Variants in CDK14 observed in about 807,000 individuals in gnomAD.
The protein encoded by CDK14 is cyclin-dependent kinase 14.
In CDK14, 34 loss-of-function variants were observed where a neutral mutation model predicts 60.7. The ratio of observed to expected loss-of-function variants is 0.56; its 90% CI spans 0.43 to 0.75. The LOEUF is 0.75. CDK14 is among the 30% of genes least tolerant of loss of function. The probability of loss-of-function intolerance (pLI) is 0.00; values close to 1 mark genes in which losing one functional copy is unlikely to be tolerated. For missense variants in CDK14, 482 were observed against 564.1 expected (o/e 0.85, Z 1.47); for synonymous variants, 197 against 203.7 (o/e 0.97, Z 0.28).
At chr7:90,977,723 A>G (rs1399341475) in intron 9 of CDK14, among the ~76,000 whole-genome samples, 1 of 151,956 alleles carries the variant, frequency 6.6e-6, no homozygotes, top group African/African-American at 2.4e-5. Context: ...TCCATGCTGT[A>G]CTCTTTGGAA....
intron 9 of CDK14, among the ~76,000 whole-genome samples, chr7:90,971,753 TA>T (rs1451496850): frequency 6.6e-6 from 1 of 151,910 alleles, no homozygotes; most frequent in Non-Finnish European, 1.5e-5. Context: ...GCCATTTCAT[TA>T]AAAAATAATA....
At chr7:91,068,777 C>G (rs541987517) in intron 11 of CDK14, among the ~76,000 whole-genome samples, 10 of 132,160 alleles carry the variant, frequency 7.6e-5, no homozygotes, top group Non-Finnish European at 1.5e-4. Context: ...AGTGTACTTT[C>G]CAAATAGAAG....
At chr7:90,803,531 T>C (rs750774014) in intron 5 of CDK14, among the ~76,000 whole-genome samples, 3 of 152,000 alleles carry the variant, frequency 2.0e-5, no homozygotes, top group Non-Finnish European at 4.4e-5. Context: ...GGATTCTGGA[T>C]TGGGTAATTA....
At chr7:90,621,654 T>TGCC (rs1369758527) in intron 2 of CDK14, among the ~76,000 whole-genome samples, 12,499 of 144,448 alleles carry the variant, frequency 0.087, 560 homozygotes, top group East Asian at 0.2. Flanking sequence ...CCTTCCTTCC[T>TGCC]TCCTTCCTTC....
intron 5 of CDK14, among the ~76,000 whole-genome samples, chr7:90,805,811 T>A (rs1255880731): frequency 6.6e-6 from 1 of 152,136 alleles, no homozygotes; most frequent in Admixed American, 6.5e-5. Context: ...TTACATTATA[T>A]GAAAATGTAA....
intron 4 of CDK14, among the ~76,000 whole-genome samples, chr7:90,782,007 C>T (rs1368361456): frequency 6.6e-6 from 1 of 152,140 alleles, no homozygotes; most frequent in Non-Finnish European, 1.5e-5. Flanking sequence ...TTACCTTGGG[C>T]AGTATGGCCA....
At chr7:90,635,754 TC>T (rs1258219418) in intron 2 of CDK14, among the ~76,000 whole-genome samples, 2 of 152,176 alleles carry the variant, frequency 1.3e-5, no homozygotes, top group Non-Finnish European at 2.9e-5. Context: ...TATTGATTCT[TC>T]CTATCCATGA....
intron 14 of CDK14, among the ~76,000 whole-genome samples, chr7:91,193,173 A>G (rs1382921523): frequency 6.6e-6 from 1 of 152,226 alleles, no homozygotes; most frequent in East Asian, 1.9e-4. Context: ...AATTATGGCT[A>G]GATGGTGGAA....
At chr7:91,112,853 GGAGAGAGAGA>G (rs56973703) in intron 13 of CDK14, among the ~76,000 whole-genome samples, 172 bp downstream of exon 13, 1 of 148,566 alleles carries the variant, frequency 6.7e-6, no homozygotes, top group South Asian at 2.1e-4. Context: ...GTGTATGTGT[GGAGAGAGAGA>G]GAGAGAGAGA....
At chr7:91,109,266 A>C (rs980686542) in intron 12 of CDK14, among the ~76,000 whole-genome samples, 19 of 152,140 alleles carry the variant, frequency 1.2e-4, no homozygotes, top group Admixed American at 1.1e-3. Context: ...CAATCAGTGA[A>C]ATGGTAATGT....
At chr7:91,023,524 T>C (rs1463176402) in intron 10 of CDK14, among the ~76,000 whole-genome samples, 1 of 152,212 alleles carries the variant, frequency 6.6e-6, no homozygotes, top group African/African-American at 2.4e-5. Context: ...GCTCAGACAC[T>C]AGACTTCTCA....
intron 12 of CDK14, among the ~76,000 whole-genome samples, chr7:91,093,184 T>C (rs1382836666): frequency 6.6e-6 from 1 of 152,154 alleles, no homozygotes; most frequent in African/African-American, 2.4e-5. Flanking sequence ...TGTCACTCTA[T>C]TTGGAAGTAT....
chr7:91,181,573 CA>C lies in CDK14; in HGVS notation c.*29-25591del, dbSNP rs1255654126. On this transcript the variant is annotated intron_variant, in intron 14 of 14. Coordinates refer to ENST00000380050, the MANE Select transcript of CDK14 (RefSeq NM_001287135.2). Reference sequence around the variant, plus strand: ...GTTTATTAGCTGGAACATTTCTAAACAGAAAATCTTCCCCTTATTATGTTAT... The same window carrying C: ...GTTTATTAGCTGGAACATTTCTAAACGAAAATCTTCCCCTTATTATGTTAT... 2.6e-4 allele frequency among the ~76,000 whole-genome samples: 39 copies of C among 152,134 alleles called. 1 individual carries two copies.
chr7:90,997,467 T>G (rs941504909), intron 10 of CDK14, among the ~76,000 whole-genome samples: 4 of 152,242 alleles, frequency 2.6e-5, no homozygotes, highest in Non-Finnish European at 5.9e-5. Context: ...TAAAAATAGA[T>G]GCAAATTCAT....
At chr7:90,820,513 T>C (rs1161583472) in intron 5 of CDK14, among the ~76,000 whole-genome samples, 1 of 152,218 alleles carries the variant, frequency 6.6e-6, no homozygotes, top group African/African-American at 2.4e-5. Flanking sequence ...CTGTCTCTCC[T>C]GCCACCATGT....
chr7:90,649,764 T>A (rs1262932460), intron 2 of CDK14, among the ~76,000 whole-genome samples: 1 of 152,042 alleles, frequency 6.6e-6, no homozygotes, highest in African/African-American at 2.4e-5. Context: ...TCCAGCTTCA[T>A]CCATGTCCCT....
rs375154749 is a variant in CDK14, at chr7:91,171,235, G to A, written c.*29-35930G>A. On this transcript the variant is annotated intron_variant, in intron 14 of 14. Transcript: ENST00000380050. ...CGTGGTGGCGGGCGCCTGTAATCCC[G>A]GCTACTCAGGAGGCTGAGGCAGGAG... Among the ~76,000 whole-genome samples, 24 of 151,822 alleles carry A rather than the reference G, an allele frequency of 1.6e-4. No individual in the cohort carries two copies. In the East Asian group the frequency reaches 4.5e-3, roughly 29 times the overall value.
intron 4 of CDK14, among the ~76,000 whole-genome samples, chr7:90,766,046 A>C (rs958644094): frequency 6.6e-6 from 1 of 152,230 alleles, no homozygotes; most frequent in Non-Finnish European, 1.5e-5. Flanking sequence ...TAGACGTATA[A>C]GAAAATTATC....
intron 9 of CDK14, among the ~76,000 whole-genome samples, chr7:90,964,235 C>T (rs928583043): frequency 5.3e-5 from 8 of 152,096 alleles, no homozygotes; most frequent in East Asian, 1.9e-4. Flanking sequence ...ACCCTTCCTT[C>T]GTGGCCTTCC....
Sources: allele counts gnomAD v4.1 joint callset (sites outside exome capture counted in the v4.1 genomes callset), GRCh38; gene constraint gnomAD v4.1.1; transcripts MANE v1.5; gene names NCBI Gene and HGNC (gene_info 2026-07-23, HGNC 2026-07-21).